The following PCDHGC5 variants were observed in gnomAD, a reference collection of about 807,000 sequenced individuals.
PCDHGC5 encodes the protein protocadherin gamma subfamily C, 5.
PCDHGC5 carries 25 observed loss-of-function variants against 59.0 expected under a neutral mutation model. That is an observed-to-expected ratio of 0.42 (90% confidence interval 0.31 to 0.59). The LOEUF is 0.59. Among genes scored for constraint, PCDHGC5 ranks in the 20% least tolerant of loss-of-function variants. The pLI, the probability that PCDHGC5 is intolerant of heterozygous loss-of-function variation, is 0.13. For synonymous variants in PCDHGC5, 434 were observed against 505.5 expected (o/e 0.86, Z 1.90); for missense variants, 1,067 against 1,206.4 (o/e 0.88, Z 1.71).
Position 141,493,858 on chromosome 5 carries a change from C to A in PCDHGC5, c.2461-949C>A, listed in dbSNP as rs2099750481. Among the ~76,000 whole-genome samples, 1 of 152,184 alleles carries A rather than the reference C, an allele frequency of 6.6e-6. No homozygotes were observed. The highest frequency in any genetic ancestry group is 1.5e-5 in the Non-Finnish European group (1 of 68,030). On this transcript the variant is annotated intron_variant, in intron 1 of 3. Transcript: ENST00000252087. The surrounding 1 kb of genome is among the most constrained non-coding windows in gnomAD (Gnocchi z 4.3). ...AGTATGAGTATTAATTACCAGCCCA[C>A]CCCAGAACCAGTGAGGAGGTGGCTC...
At chr5:141,508,737 C>G (rs919094477) in intron 3 of PCDHGC5, among the ~76,000 whole-genome samples, 2 of 152,010 alleles carry the variant, frequency 1.3e-5, no homozygotes, top group Non-Finnish European at 2.9e-5. Flanking sequence ...CTACACCCCC[C>G]ACCCCGCTCT....
chr5:141,489,636 C>A lies in PCDHGC5; in HGVS notation c.396C>A (p.Ser132Arg), dbSNP rs753380268. 3.8e-5 allele frequency: 62 copies of A among 1,614,074 alleles called. No individual in the cohort carries two copies. The highest frequency in any genetic ancestry group is 5.1e-5 in the Non-Finnish European group (60 of 1,180,038). ...TGGATCTCAATGACAACTCTCCTAG[C>A]TTTGCCACCCCTGAGCGAGAGATGC... is the stretch of plus-strand genomic sequence containing the variant. The part of the protein sequence containing the change: ...EILDLNDNSP[S>R]FATPEREMRI... The change falls in exon 1 of 4, where the codon AGC becomes AGA. Residue 132 changes from serine to arginine, a missense_variant. By Grantham distance (110) the Ser-to-Arg change is moderately radical. Coordinates refer to ENST00000252087, the MANE Select transcript of PCDHGC5 (RefSeq NM_018929.3). The surrounding 1 kb of genome is among the most constrained non-coding windows in gnomAD (Gnocchi z 4.5).
chr5:141,499,029 A>AAGGAAGGAAGG lies in PCDHGC5; in HGVS notation c.2519+4165_2519+4166insGGAAGGAAGGA, dbSNP rs1562187768. ...GGAAGGAAGGAAGGAAGGAAGGAAG[A>AAGGAAGGAAGG]AAAGAAAGAAAAAGGGAGAAAAAAT... On this transcript the variant is annotated intron_variant, in intron 2 of 3. Transcript: ENST00000252087. 4.1e-4 allele frequency among the ~76,000 whole-genome samples: 57 copies of AAGGAAGGAAGG among 140,074 alleles called. 2 individuals are homozygous for AAGGAAGGAAGG. Among genetic ancestry groups the AAGGAAGGAAGG allele is most frequent in the African/African-American group, 1.4e-3 (52 of 36,074 alleles). 91.9% of individuals were successfully genotyped at this position (140,074 alleles called of 152,430 possible).
intron 3 of PCDHGC5, 110 bp from the exon 4 acceptor site, chr5:141,510,837 G>A (rs969654751): frequency 1.3e-6 from 2 of 1,586,392 alleles, no homozygotes; most frequent in Non-Finnish European, 8.6e-7. Context: ...GCTCAGCGTG[G>A]TCAAGGCCCA....
chr5:141,495,108 C>G (rs1304714928), intron 2 of PCDHGC5, among the ~76,000 whole-genome samples: 1 of 152,176 alleles, frequency 6.6e-6, no homozygotes, highest in Admixed American at 6.5e-5. Context: ...ACGACCGGCA[C>G]CTTTTCCTAT....
At chr5:141,503,478 C>T (rs1249372985) in intron 2 of PCDHGC5, among the ~76,000 whole-genome samples, 3 of 151,680 alleles carry the variant, frequency 2.0e-5, no homozygotes, top group East Asian at 1.9e-4. Context: ...GTGCACTTGT[C>T]GTCCCAGCTG....
In PCDHGC5 at chr5:141,505,419, C is replaced by G. The variant is rs1303924776; in HGVS notation, c.2546C>G (p.Thr849Ser). 6 of 1,614,140 alleles carry G rather than the reference C, an allele frequency of 3.7e-6. No individual in the cohort carries two copies. The highest frequency in any genetic ancestry group is 4.2e-6 in the Non-Finnish European group (5 of 1,180,062). Residue 849 changes from threonine to serine, a missense_variant, in exon 3 of 4, where the codon ACC becomes AGC. Thr to Ser is a moderately conservative substitution (Grantham distance 58). Coordinates refer to ENST00000252087, the MANE Select transcript of PCDHGC5 (RefSeq NM_018929.3). ...SGSQNGDDTGTWPNNQFDTEM... is the reference protein window; with the variant it reads ...SGSQNGDDTGSWPNNQFDTEM... ...TCCCAAAATGGCGATGACACCGGCACCTGGCCCAACAACCAGTTTGACACA... is the reference window on the plus strand; with the variant it reads ...TCCCAAAATGGCGATGACACCGGCAGCTGGCCCAACAACCAGTTTGACACA...
Position 141,489,195 on chromosome 5 carries a change from A to G in PCDHGC5, c.-46A>G, listed in dbSNP as rs200660227. ...ATTCCAAGCCCTGGGTCTACCTTGG[A>G]GACAGGACAGCACAGACTTACTCTC... is the stretch of plus-strand genomic sequence containing the variant. On this transcript the variant is annotated 5_prime_UTR_variant, in exon 1 of 4. Transcript: ENST00000252087. This position sits in a 1 kb window ranked among gnomAD's most constrained non-coding sequence, Gnocchi z 4.5. 1.8e-5 allele frequency: 25 copies of G among 1,383,116 alleles called. No individual in the cohort carries two copies. The East Asian group carries it at 4.8e-4, about 27-fold the overall frequency. 85.7% of individuals were successfully genotyped at this position (1,383,116 alleles called of 1,614,324 possible). A position where few individuals can be genotyped will look rare whatever the true frequency, so the allele number is the denominator to read the frequency against.
chr5:141,490,941 A>G lies in PCDHGC5; in HGVS notation c.1701A>G (p.Pro567=). The G allele has an allele frequency of 6.2e-7, 1 of 1,613,628 alleles. No homozygotes were observed. The highest frequency in any genetic ancestry group is 8.5e-7 in the Non-Finnish European group (1 of 1,179,772). Residue 567 remains proline (P), a synonymous_variant, in exon 1 of 4, where the codon CCA becomes CCG. Coordinates refer to ENST00000252087, the MANE Select transcript of PCDHGC5 (RefSeq NM_018929.3). The surrounding 1 kb of genome is among the most constrained non-coding windows in gnomAD (Gnocchi z 5.4). ...ENDNAPAVLH[P]RPDWEHSAPQ... ...ATAATGCCCCAGCTGTGCTGCACCC[A>G]CGGCCAGACTGGGAACACTCAGCCC... is the stretch of plus-strand genomic sequence containing the variant.
At chr5:141,499,399 C>A (rs2099791676) in intron 2 of PCDHGC5, among the ~76,000 whole-genome samples, 1 of 152,072 alleles carries the variant, frequency 6.6e-6, no homozygotes, top group Non-Finnish European at 1.5e-5. Flanking sequence ...ATAGTACATG[C>A]TCATTATAGA....
intron 2 of PCDHGC5, among the ~76,000 whole-genome samples, chr5:141,505,117 G>A (rs575627148): frequency 1.8e-4 from 27 of 152,226 alleles, no homozygotes; most frequent in African/African-American, 3.6e-4. Context: ...AGCCAAGATC[G>A]CGCCACTGCA....
In PCDHGC5 at chr5:141,490,052, A is replaced by G. The variant is rs774710472; in HGVS notation, c.812A>G (p.Glu271Gly). 11 of 1,614,098 alleles carry G rather than the reference A, an allele frequency of 6.8e-6. No homozygotes were observed. The highest frequency in any genetic ancestry group is 9.3e-6 in the Non-Finnish European group (11 of 1,180,014). Residue 271 changes from glutamate to glycine, a missense_variant, in exon 1 of 4, where the codon GAG becomes GGG. By Grantham distance (98) the Glu-to-Gly change is moderately conservative (BLOSUM62 -2). Transcript: ENST00000252087. The surrounding 1 kb of genome is among the most constrained non-coding windows in gnomAD (Gnocchi z 5.4). ...LLRLNATDPD[E>G]GTNGQLDYSF... ...CGCCTCAATGCCACTGATCCAGACG[A>G]GGGCACCAACGGCCAACTAGACTAT... is the stretch of plus-strand genomic sequence containing the variant.
intron 2 of PCDHGC5, among the ~76,000 whole-genome samples, chr5:141,495,994 T>C (rs2099765151): frequency 6.6e-6 from 1 of 152,146 alleles, no homozygotes; most frequent in Non-Finnish European, 1.5e-5. Flanking sequence ...ATCTCTCTTT[T>C]TCTTTTATCT....
chr5:141,497,218 GA>G (rs1172998466), intron 2 of PCDHGC5, among the ~76,000 whole-genome samples: 1 of 149,792 alleles, frequency 6.7e-6, no homozygotes, highest in Non-Finnish European at 1.5e-5. Flanking sequence ...ATGGGGGGGG[GA>G]AGATCAGAGA....
intron 1 of PCDHGC5, 124 bp from the exon 2 acceptor site, chr5:141,494,683 C>G: frequency 6.4e-7 from 1 of 1,569,074 alleles, no homozygotes; most frequent in Non-Finnish European, 8.7e-7. Context: ...CCCCTGCCCC[C>G]TCTTAGTCCG....
chr5:141,497,775 A>G (rs2099779384), intron 2 of PCDHGC5, among the ~76,000 whole-genome samples: 2 of 152,054 alleles, frequency 1.3e-5, no homozygotes, highest in South Asian at 4.2e-4. Context: ...CCCGACCTCA[A>G]CTGATCCACC....
At chr5:141,509,544 A>AT (rs1312201678) in intron 3 of PCDHGC5, among the ~76,000 whole-genome samples, 1 of 152,150 alleles carries the variant, frequency 6.6e-6, no homozygotes, top group Non-Finnish European at 1.5e-5. Context: ...GCACCATCTC[A>AT]TTTAGTCCTC....
At position 141,511,124 on chromosome 5, in the gene PCDHGC5, C is replaced by G; in HGVS notation, c.2786C>G (p.Ala929Gly). 1.9e-6 allele frequency: 3 copies of G among 1,614,206 alleles called. No individual in the cohort carries two copies. Among genetic ancestry groups the G allele is most frequent in the Non-Finnish European group, 2.5e-6 (3 of 1,180,022 alleles). The change falls in exon 4 of 4, where the codon GCA (alanine) becomes GGA (glycine). Residue 929 changes from alanine to glycine, a missense_variant. Transcript: ENST00000252087. ...AAGKRDGKAP[A>G]GGNGNKKKSG... ...GGCAAGCGGGATGGCAAGGCCCCAG[C>G]AGGTGGCAATGGCAACAAGAAGAAG...
chr5:141,507,113 C>G (rs1401559943), intron 3 of PCDHGC5: 1 of 152,220 alleles, frequency 6.6e-6, no homozygotes, highest in Non-Finnish European at 1.5e-5. Context: ...GGGACCATGG[C>G]TGCCTTTGGA....
Sources: allele counts gnomAD v4.1 joint callset (sites outside exome capture counted in the v4.1 genomes callset), GRCh38; gene constraint gnomAD v4.1.1; non-coding constraint Gnocchi (gnomAD v3.1); transcripts MANE v1.5; gene names NCBI Gene and HGNC (gene_info 2026-07-23, HGNC 2026-07-21).